Variants in IL7 observed in about 807,000 individuals in gnomAD.
The protein encoded by IL7 is interleukin-7.
In IL7, 3 loss-of-function variants were observed where a neutral mutation model predicts 21.6. The observed-to-expected ratio is 0.14, with a 90% confidence interval of 0.06 to 0.36. The LOEUF is 0.36. Ranked by LOEUF, IL7 falls within the 10% of genes least tolerant of loss-of-function variation. IL7 has a pLI of 1.00. For synonymous variants in IL7, 62 were observed against 68.1 expected, an observed-to-expected ratio of 0.91 and a Z score of 0.44; for missense variants, 175 against 200.2, an observed-to-expected ratio of 0.87 and a Z score of 0.76.
intron 3 of IL7, among the ~76,000 whole-genome samples, chr8:78,706,364 T>G (rs906199586): frequency 2.0e-5 from 3 of 152,162 alleles, no homozygotes; most frequent in African/African-American, 7.2e-5. Flanking sequence ...GCTGGGAAGT[T>G]TGGAGTTCCT....
chr8:78,759,216 CT>C (rs3071074), intron 2 of IL7, among the ~76,000 whole-genome samples: 4,851 of 131,708 alleles, frequency 0.037, 86 homozygotes, highest in Middle Eastern at 0.093. Flanking sequence ...CTGCTGGGTT[CT>C]TTTTTTTTTT....
In IL7 at chr8:78,700,566, A is replaced by G. The variant is rs1438824970; in HGVS notation, n.215-14619T>C. Among the ~76,000 whole-genome samples the G allele has an allele frequency of 2.6e-5, 4 of 152,304 alleles. No individual in the cohort carries two copies. In the South Asian group the frequency reaches 8.3e-4, roughly 32 times the overall value. On this transcript the variant is annotated intron_variant and non_coding_transcript_variant, in intron 3 of 4. Coordinates refer to the IL7 transcript ENST00000523959. ...TGCAATTGCTTTTGGCATCTTCATT[A>G]TAAAATCTTTGCTGCTGCCTGTGCC... is the stretch of plus-strand genomic sequence containing the variant.
chr8:78,676,095 T>A, exon 5 of IL7: 1 of 355,218 alleles, frequency 2.8e-6, no homozygotes, highest in Non-Finnish European at 5.0e-6. Flanking sequence ...ATTCCTCATT[T>A]TACGAGACTC....
chr8:78,684,710 G>A (rs896200970), intron 4 of IL7, among the ~76,000 whole-genome samples: 5 of 152,074 alleles, frequency 3.3e-5, no homozygotes, highest in African/African-American at 1.2e-4. Context: ...CATATACTCA[G>A]CAAACAGGCT....
chr8:78,717,041 C>G (rs1386500774), downstream of IL7, among the ~76,000 whole-genome samples: 1 of 152,048 alleles, frequency 6.6e-6, no homozygotes, highest in Non-Finnish European at 1.5e-5. Context: ...TTATAAATTA[C>G]CCAGTCTCAG....
At chr8:78,760,558 G>C in intron 2 of IL7, 1 of 1,547,924 alleles carries the variant, frequency 6.5e-7, no homozygotes, top group South Asian at 1.2e-5. Flanking sequence ...TGTCAGCATG[G>C]TGTTCCTCCA....
chr8:78,765,747 C>T (rs1008724104), intron 2 of IL7, among the ~76,000 whole-genome samples: 1 of 152,060 alleles, frequency 6.6e-6, no homozygotes, highest in African/African-American at 2.4e-5. Flanking sequence ...GTAAACAGTA[C>T]AGCCACTTTG....
chr8:78,750,065 T>A (rs1292844682), intron 2 of IL7, among the ~76,000 whole-genome samples: 1 of 151,972 alleles, frequency 6.6e-6, no homozygotes, highest in East Asian at 1.9e-4. Flanking sequence ...AAAAGCTGAA[T>A]AGTCTGTTCT....
At chr8:78,738,369 G>A in intron 4 of IL7, 135 bp downstream of exon 4, 1 of 719,008 alleles carries the variant, frequency 1.4e-6, no homozygotes, top group Non-Finnish European at 2.2e-6. Flanking sequence ...CTAGGATTGA[G>A]TAAACATACT....
At chr8:78,780,351 T>G (rs117594491) in intron 2 of IL7, among the ~76,000 whole-genome samples, 1,700 of 152,280 alleles carry the variant, frequency 0.011, 17 homozygotes, top group South Asian at 0.031. Flanking sequence ...CTTTCTAGCT[T>G]TTTAATGTGG....
At chr8:78,796,028 T>A (rs1813841896) in intron 2 of IL7, among the ~76,000 whole-genome samples, 1 of 151,602 alleles carries the variant, frequency 6.6e-6, no homozygotes, top group Non-Finnish European at 1.5e-5. Context: ...TTTGAGAGAG[T>A]TTTCCTTTGC....
chr8:78,763,032 A>G (rs940623712), intron 2 of IL7, among the ~76,000 whole-genome samples: 1 of 152,204 alleles, frequency 6.6e-6, no homozygotes, highest in African/African-American at 2.4e-5. Context: ...GATGCGATCA[A>G]TGTCAGCATT....
chr8:78,722,439 A>G (rs1811258093), intron 3 of IL7, among the ~76,000 whole-genome samples: 2 of 152,012 alleles, frequency 1.3e-5, no homozygotes. Context: ...TTTATTTTGC[A>G]CATTTTAAAA....
intron 2 of IL7, among the ~76,000 whole-genome samples, chr8:78,779,423 T>G (rs574370762): frequency 4.4e-4 from 67 of 152,280 alleles, no homozygotes; most frequent in African/African-American, 1.6e-3. Context: ...CAATATCTAG[T>G]TTATTGAGAG....
At chr8:78,774,700 T>C (rs1395518693) in intron 2 of IL7, among the ~76,000 whole-genome samples, 1 of 152,070 alleles carries the variant, frequency 6.6e-6, no homozygotes, top group African/African-American at 2.4e-5. Flanking sequence ...ATTTTAACAA[T>C]TAATATTGAT....
intron 1 of IL7, among the ~76,000 whole-genome samples, chr8:78,801,031 T>C (rs1814038565): frequency 6.6e-6 from 1 of 152,238 alleles, no homozygotes. Flanking sequence ...TTGTGCATTC[T>C]TTCCAATGAG....
intron 2 of IL7, among the ~76,000 whole-genome samples, chr8:78,784,979 A>G (rs911707731): frequency 6.6e-6 from 1 of 152,086 alleles, no homozygotes; most frequent in South Asian, 2.1e-4. Flanking sequence ...TTGTCTAGGT[A>G]TCAAATTCTG....
intron 4 of IL7, among the ~76,000 whole-genome samples, chr8:78,736,769 C>G (rs1811609396): frequency 6.6e-6 from 1 of 151,984 alleles, no homozygotes; most frequent in African/African-American, 2.4e-5. Flanking sequence ...GTAGGTCTGC[C>G]TAGTACTGTG....
At chr8:78,684,488 G>C (rs1334456685) in intron 4 of IL7, among the ~76,000 whole-genome samples, 1 of 152,176 alleles carries the variant, frequency 6.6e-6, no homozygotes, top group African/African-American at 2.4e-5. Flanking sequence ...CCCATAACAG[G>C]TGGAGTTTAT....
Sources: allele counts gnomAD v4.1 joint callset (sites outside exome capture counted in the v4.1 genomes callset), GRCh38; gene constraint gnomAD v4.1.1; transcripts MANE v1.5; gene names NCBI Gene and HGNC (gene_info 2026-07-23, HGNC 2026-07-21).